The following ACYP2 variants were observed in gnomAD, a reference collection of about 807,000 sequenced individuals.
ACYP2 encodes the protein acylphosphatase 2.
ACYP2 carries 12 observed loss-of-function variants against 11.2 expected under a neutral mutation model. The observed-to-expected ratio is 1.08, with a 90% CI of 0.69 to 1.74. The LOEUF is 1.74. Ranked by LOEUF, ACYP2 falls within the 40% of genes most tolerant of loss-of-function variation. ACYP2 has a pLI of 0.00. For synonymous variants in ACYP2, 43 were observed against 32.2 expected (o/e 1.33, Z -1.13); for missense variants, 134 against 101.9 (o/e 1.31, Z -1.35).
At chr2:54,223,726 A>G (rs919023980) in intron 6 of ACYP2, among the ~76,000 whole-genome samples, 4 of 152,170 alleles carry the variant, frequency 2.6e-5, no homozygotes, top group African/African-American at 9.7e-5. Flanking sequence ...AAAGAACTTT[A>G]GTTCTCACTC....
chr2:54,268,614 C>T (rs1573022418), intron 6 of ACYP2, among the ~76,000 whole-genome samples: 1 of 125,416 alleles, frequency 8.0e-6, no homozygotes, highest in Admixed American at 9.1e-5. Flanking sequence ...CCAGCCTGGG[C>T]AACATAGTGA....
chr2:54,280,539 G>A (rs1202118642), intron 6 of ACYP2, among the ~76,000 whole-genome samples: 1 of 152,134 alleles, frequency 6.6e-6, no homozygotes, highest in Non-Finnish European at 1.5e-5. Context: ...TCACCAAAAG[G>A]ATTGAACAAA....
chr2:54,061,111 C>A (rs760627046), intron 4 of ACYP2, among the ~76,000 whole-genome samples: 1 of 152,192 alleles, frequency 6.6e-6, no homozygotes, highest in African/African-American at 2.4e-5. Context: ...ATGCCTTGGC[C>A]TCCCAAAGTG....
chr2:54,263,954 C>T (rs989297899), intron 6 of ACYP2, among the ~76,000 whole-genome samples: 2 of 152,136 alleles, frequency 1.3e-5, no homozygotes, highest in Non-Finnish European at 2.9e-5. Context: ...TTATTGACCA[C>T]CTTTTGTGTG....
At chr2:54,053,843 T>G (rs1381010079) in intron 3 of ACYP2, among the ~76,000 whole-genome samples, 6 of 152,260 alleles carry the variant, frequency 3.9e-5, no homozygotes, top group Admixed American at 6.5e-5. Flanking sequence ...CTGTTTAAAT[T>G]ACTATGTGGT....
chr2:54,283,265 A>C (rs1688925418), intron 6 of ACYP2, among the ~76,000 whole-genome samples: 1 of 152,196 alleles, frequency 6.6e-6, no homozygotes, highest in Admixed American at 6.5e-5. Context: ...CTAGGATTAT[A>C]ACCTTTTAAT....
chr2:54,168,160 C>T (rs952634139), intron 6 of ACYP2, among the ~76,000 whole-genome samples: 1 of 152,302 alleles, frequency 6.6e-6, no homozygotes, highest in Admixed American at 6.5e-5. Flanking sequence ...CACAGTGGCT[C>T]ACACCTGTAA....
chr2:54,052,287 T>TTTAAACTACTGAA (rs1289498375), intron 3 of ACYP2, among the ~76,000 whole-genome samples: 1 of 152,128 alleles, frequency 6.6e-6, no homozygotes, highest in Non-Finnish European at 1.5e-5. Context: ...CTATACCGTG[T>TTTAAACTACTGAA]CATTTTTTGT....
At chr2:54,275,468 G>A (rs1688513812) in intron 6 of ACYP2, among the ~76,000 whole-genome samples, 1 of 152,160 alleles carries the variant, frequency 6.6e-6, no homozygotes, top group South Asian at 2.1e-4. Context: ...AAGAGGAATA[G>A]TCCCACTTGA....
At position 54,088,789 on chromosome 2, in the gene ACYP2, T is replaced by C. The variant is rs1439672330; in HGVS notation, c.277+31429T>C. Among the ~76,000 whole-genome samples the C allele has an allele frequency of 2.6e-5, 4 of 152,226 alleles. No individual in the cohort carries two copies. In the East Asian group the frequency reaches 5.8e-4, roughly 22 times the overall value. Reference sequence around the variant, plus strand: ...TATGGAGTCTGCCAGAGTTTTCATTTCAGATTGGGGAAAGGTTATTCCCAC... The same window carrying C: ...TATGGAGTCTGCCAGAGTTTTCATTCCAGATTGGGGAAAGGTTATTCCCAC... On this transcript the variant is annotated intron_variant, in intron 4 of 6. Coordinates refer to ENST00000607452, the MANE Select transcript of ACYP2 (RefSeq NM_001320586.2).
chr2:54,043,967 G>C (rs1342660211), intron 2 of ACYP2, among the ~76,000 whole-genome samples: 1 of 152,074 alleles, frequency 6.6e-6, no homozygotes, highest in African/African-American at 2.4e-5. Flanking sequence ...ATGTATGTGA[G>C]GATGAGAAAT....
At chr2:53,984,202 A>C (rs1380034831) in intron 2 of ACYP2, among the ~76,000 whole-genome samples, 2 of 152,178 alleles carry the variant, frequency 1.3e-5, no homozygotes, top group Admixed American at 6.5e-5. Flanking sequence ...GCAATTAGGA[A>C]CAAGAGCTAA....
intron 2 of ACYP2, among the ~76,000 whole-genome samples, chr2:53,996,998 A>G (rs982370203): frequency 2.6e-5 from 4 of 152,294 alleles, no homozygotes; most frequent in South Asian, 2.1e-4. Flanking sequence ...ACTAGCCCCA[A>G]TCTACCATTC....
intron 6 of ACYP2, among the ~76,000 whole-genome samples, chr2:54,187,160 A>G (rs1460532080): frequency 1.3e-5 from 2 of 152,164 alleles, no homozygotes; most frequent in Admixed American, 6.5e-5. Flanking sequence ...GGCACATGCA[A>G]TCTGGGGCAG....
chr2:54,255,274 T>C, intron 6 of ACYP2: 1 of 1,614,196 alleles, frequency 6.2e-7, no homozygotes. Context: ...GAACTTAAAC[T>C]TGCAGCCTGT....
intron 2 of ACYP2, among the ~76,000 whole-genome samples, chr2:54,010,908 A>G (rs1179537802): frequency 1.3e-5 from 2 of 151,848 alleles, no homozygotes; most frequent in Admixed American, 1.3e-4. Flanking sequence ...ATCTCAGGTG[A>G]TCTGCCTACC....
chr2:54,049,356 C>G (rs1675707673), intron 2 of ACYP2, among the ~76,000 whole-genome samples: 1 of 152,182 alleles, frequency 6.6e-6, no homozygotes, highest in South Asian at 2.1e-4. Context: ...TCCTCAGACA[C>G]TTGCCCCTGT....
chr2:54,191,874 C>T (rs1240783061), intron 6 of ACYP2, among the ~76,000 whole-genome samples: 7 of 152,112 alleles, frequency 4.6e-5, no homozygotes, highest in African/African-American at 1.4e-4. Context: ...AGATAATAAA[C>T]ATATGTAGAC....
chr2:54,092,116 C>A (rs1165769365), intron 4 of ACYP2, among the ~76,000 whole-genome samples: 1 of 151,848 alleles, frequency 6.6e-6, no homozygotes, highest in Non-Finnish European at 1.5e-5. Flanking sequence ...AGCAGAGGTA[C>A]TGGATGGTTG....
Sources: gnomAD v4.1 joint callset for allele counts (sites outside exome capture counted in the v4.1 genomes callset) on GRCh38, gnomAD v4.1.1 for gene constraint, MANE v1.5 for transcripts, NCBI Gene and HGNC (gene_info 2026-07-23, HGNC 2026-07-21) for gene names.